The following ZC3H3 variants were observed in gnomAD, a reference collection of about 807,000 sequenced individuals.
ZC3H3 encodes zinc finger CCCH domain-containing protein 3.
In ZC3H3, 36 loss-of-function variants were observed where a neutral mutation model predicts 77.3. The observed-to-expected ratio is 0.47, with a 90% CI of 0.36 to 0.61. The LOEUF (loss-of-function observed/expected upper bound fraction) is 0.61. ZC3H3 is among the 20% of genes least tolerant of loss of function. The probability of loss-of-function intolerance (pLI) is 0.00; values close to 1 mark genes in which losing one functional copy is unlikely to be tolerated. For missense variants in ZC3H3, 1,331 were observed against 1,312.2 expected (o/e 1.01, Z -0.22); for synonymous variants, 626 against 555.2 (o/e 1.13, Z -1.79).
chr8:143,496,186 G>A (rs1821346093), intron 4 of ZC3H3, among the ~76,000 whole-genome samples: 1 of 152,186 alleles, frequency 6.6e-6, no homozygotes, highest in Admixed American at 6.5e-5. Context: ...TGCTGTCAGG[G>A]TGCGGGTGTG....
At chr8:143,535,496 T>G (rs1227599195) in intron 3 of ZC3H3, among the ~76,000 whole-genome samples, 2 of 152,174 alleles carry the variant, frequency 1.3e-5, no homozygotes, top group African/African-American at 4.8e-5. Context: ...CAGGACCAGG[T>G]GCACACAGAC....
In ZC3H3 at chr8:143,523,742, C is replaced by T. The variant is rs148113686; in HGVS notation, c.1561+12515G>A. On this transcript the variant is annotated intron_variant, in intron 3 of 11. Transcript: ENST00000262577. ...CCACCCCTGAATCACCCCGAGATAA[C>T]GGAGAGGGCAATCAGCAAGAGAAGA... is the stretch of plus-strand genomic sequence containing the variant. 5.0e-3 allele frequency among the ~76,000 whole-genome samples: 757 copies of T among 152,332 alleles called. 4 individuals carry two copies. Among genetic ancestry groups the T allele is most frequent in the Non-Finnish European group, 7.3e-3 (498 of 68,022 alleles).
rs779884351 is a variant in ZC3H3, at chr8:143,507,847, G to A, written c.1614C>T (p.Thr538=). The change falls in exon 4 of 12, where the codon ACC becomes ACT. Residue 538 remains threonine, a synonymous_variant. Transcript: ENST00000262577. ...RTAPTSKVIK[T]RYRIVKKTPA... The stretch of plus-strand genomic sequence containing the variant: ...GCGTCTTCTTGACAATGCGGTAGCG[G>A]GTCTTGATCACCTTGCTGGTGGGTG... 2.5e-6 allele frequency: 4 copies of A among 1,610,490 alleles called. No homozygotes were observed. The highest frequency in any genetic ancestry group is 2.7e-5 in the African/African-American group (2 of 74,984).
intron 9 of ZC3H3, 121 bp downstream of exon 9, chr8:143,465,596 G>T: frequency 6.9e-7 from 1 of 1,445,256 alleles, no homozygotes; most frequent in Non-Finnish European, 9.4e-7. Context: ...GGACGTGATG[G>T]CACTGACCAC....
In ZC3H3 at chr8:143,468,613, T is replaced by C. The variant is rs1563844090; in HGVS notation, c.1946+4A>G. On this transcript the variant is annotated splice_donor_region_variant and intron_variant, in intron 6 of 11. Transcript: ENST00000262577. ...CCACCCACTGCCCAGCCCAAAGGCA[T>C]TACCTGGCCAGGGAACGGCTACAGC... The C allele has an allele frequency of 1.3e-6, 2 of 1,564,770 alleles. No individual in the cohort carries two copies. The highest frequency in any genetic ancestry group is 8.7e-7 in the Non-Finnish European group (1 of 1,155,376).
At chr8:143,496,549 G>C (rs1387614666) in intron 4 of ZC3H3, among the ~76,000 whole-genome samples, 2 of 146,948 alleles carry the variant, frequency 1.4e-5, no homozygotes, top group Admixed American at 1.3e-4. Flanking sequence ...TAAGACTCCT[G>C]GGTCCACGCC....
At chr8:143,522,190 C>G (rs2060965) in intron 3 of ZC3H3, among the ~76,000 whole-genome samples, 26,274 of 152,216 alleles carry the variant, frequency 0.17, 2,500 homozygotes, top group African/African-American at 0.23. Flanking sequence ...TCACTGCAAA[C>G]GTCATGCTGC....
intron 9 of ZC3H3, among the ~76,000 whole-genome samples, chr8:143,457,999 T>C (rs1820165142): frequency 6.6e-6 from 1 of 151,446 alleles, no homozygotes; most frequent in Non-Finnish European, 1.5e-5. Flanking sequence ...GACAGCCCAA[T>C]GAAATCGAAA....
intron 4 of ZC3H3, among the ~76,000 whole-genome samples, chr8:143,506,755 C>A (rs1821709273): frequency 6.6e-6 from 1 of 152,220 alleles, no homozygotes; most frequent in Admixed American, 6.5e-5. Context: ...GGTGGGCTCG[C>A]CAGCTGGCTG....
chr8:143,478,175 C>T (rs1427499303), intron 4 of ZC3H3, among the ~76,000 whole-genome samples: 2 of 152,220 alleles, frequency 1.3e-5, no homozygotes, highest in African/African-American at 2.4e-5. Flanking sequence ...GGGAGGGAGG[C>T]CCAGAACCCA....
Position 143,539,162 on chromosome 8 carries a change from A to G in ZC3H3, c.205T>C (p.Ser69Pro). Residue 69 changes from serine to proline, a missense_variant, in exon 2 of 12, where the codon TCG becomes CCG. Coordinates refer to ENST00000262577, the MANE Select transcript of ZC3H3 (RefSeq NM_015117.3). ...RRGYSSHHGP[S>P]WRKKYSLVNR... ...ACGAGGGAGTATTTCTTGCGCCACG[A>G]AGGCCCATGGTGGGAAGAGTAGCCC... is the stretch of plus-strand genomic sequence containing the variant. The G allele has an allele frequency of 6.2e-7, 1 of 1,612,920 alleles. No homozygotes were observed. Among genetic ancestry groups the G allele is most frequent in the Non-Finnish European group, 8.5e-7 (1 of 1,180,002 alleles).
intron 9 of ZC3H3, among the ~76,000 whole-genome samples, chr8:143,442,080 G>A (rs1819756592): frequency 6.6e-6 from 1 of 152,106 alleles, no homozygotes; most frequent in Non-Finnish European, 1.5e-5. Flanking sequence ...TCCCTTGCCA[G>A]GCACCTGACC....
Position 143,439,910 on chromosome 8 carries a change from G to A in ZC3H3, c.2815+131C>T, listed in dbSNP as rs1230400988. On this transcript the variant is annotated intron_variant, in intron 11 of 11. Transcript: ENST00000262577. ...TTGGTGAGGGAGGCCCTGGGGGCCC[G>A]AGCCAGGCCATGCTGCCTACCTGAG... is the stretch of plus-strand genomic sequence containing the variant. 4.1e-5 allele frequency: 23 copies of A among 557,238 alleles called. 2 individuals carry two copies. Among genetic ancestry groups the A allele is most frequent in the Middle Eastern group, 5.4e-4 (1 of 1,850 alleles). 34.5% of individuals were successfully genotyped at this position (557,238 alleles called of 1,614,324 possible). A position where few individuals can be genotyped will look rare whatever the true frequency, so the allele number is the denominator to read the frequency against.
intron 4 of ZC3H3, chr8:143,484,871 G>A (rs1206738153): frequency 2.2e-6 from 1 of 455,426 alleles, no homozygotes; most frequent in Admixed American, 2.4e-5. Flanking sequence ...AGACCACACA[G>A]CAAATCCGGC....
intron 3 of ZC3H3, among the ~76,000 whole-genome samples, chr8:143,535,510 C>T (rs919820692): frequency 3.3e-5 from 5 of 152,214 alleles, no homozygotes; most frequent in African/African-American, 7.2e-5. Context: ...CACAGACGAA[C>T]GTGGCTCCAC....
At chr8:143,512,470 T>C (rs1233740613) in intron 3 of ZC3H3, among the ~76,000 whole-genome samples, 2 of 152,248 alleles carry the variant, frequency 1.3e-5, no homozygotes, top group African/African-American at 4.8e-5. Context: ...CGGTGCCAAC[T>C]CTGTGCCAGC....
chr8:143,447,552 T>C (rs1819890318), intron 9 of ZC3H3, among the ~76,000 whole-genome samples: 2 of 152,222 alleles, frequency 1.3e-5, no homozygotes, highest in Admixed American at 1.3e-4. Context: ...GAGTCCATTC[T>C]CGCACTGCTA....
intron 3 of ZC3H3, among the ~76,000 whole-genome samples, chr8:143,529,789 A>T (rs564730537): frequency 6.6e-6 from 1 of 152,140 alleles, no homozygotes; most frequent in African/African-American, 2.4e-5. Context: ...GGTGGCAGGG[A>T]GGGGCTGAGG....
intron 4 of ZC3H3, among the ~76,000 whole-genome samples, chr8:143,505,060 T>C (rs1480354478): frequency 2.6e-5 from 4 of 152,148 alleles, no homozygotes; most frequent in Admixed American, 1.3e-4. Flanking sequence ...CCTCAGCCAC[T>C]AGTCACCCTG....
Sources: gnomAD v4.1 joint callset for allele counts (sites outside exome capture counted in the v4.1 genomes callset) on GRCh38, gnomAD v4.1.1 for gene constraint, MANE v1.5 for transcripts, NCBI Gene and HGNC (gene_info 2026-07-23, HGNC 2026-07-21) for gene names.